The following PPFIBP2 variants were observed in gnomAD, a reference collection of about 807,000 sequenced individuals.
PPFIBP2 encodes the protein PPFIB scaffold protein 2.
In PPFIBP2, 118 loss-of-function variants were observed where a neutral mutation model predicts 118.3. The observed-to-expected ratio is 1.00, with a 90% CI of 0.86 to 1.16. PPFIBP2 has a LOEUF of 1.16. Among genes scored for constraint, PPFIBP2 ranks in the 50% most tolerant of loss-of-function variants. PPFIBP2 has a pLI of 0.00. For missense variants in PPFIBP2, 1,195 were observed against 1,073.1 expected (o/e 1.11, Z -1.59); for synonymous variants, 414 against 397.4 (o/e 1.04, Z -0.50).
intron 1 of PPFIBP2, among the ~76,000 whole-genome samples, chr11:7,542,372 C>A (rs1190298632): frequency 6.6e-6 from 1 of 152,160 alleles, no homozygotes; most frequent in Non-Finnish European, 1.5e-5. Flanking sequence ...TGCCATGCCA[C>A]ATGTATTATT....
intron 2 of PPFIBP2, among the ~76,000 whole-genome samples, chr11:7,555,250 G>A (rs1292547075): frequency 6.6e-6 from 1 of 152,182 alleles, no homozygotes. Flanking sequence ...GGTTACTCAT[G>A]CAGTTATGTA....
intron 3 of PPFIBP2, among the ~76,000 whole-genome samples, chr11:7,572,328 G>T (rs1855744280): frequency 6.6e-6 from 1 of 152,168 alleles, no homozygotes; most frequent in Admixed American, 6.5e-5. Flanking sequence ...AAGACTGGGG[G>T]CCTTCAGCCA....
the PPFIBP2 span, chr11:7,666,537 A>ATCT: frequency 6.2e-7 from 1 of 1,613,046 alleles, no homozygotes; most frequent in Non-Finnish European, 8.5e-7. Context: ...TCTGACCAAG[A>ATCT]TATCCTCCTC....
chr11:7,639,970 G>A (rs1390232459), intron 15 of PPFIBP2, 100 bp downstream of exon 15: 1 of 1,469,950 alleles, frequency 6.8e-7, no homozygotes, highest in South Asian at 1.4e-5. Flanking sequence ...ATCCACAATT[G>A]GAGAATGGTG....
At chr11:7,530,343 C>A (rs1400135995) in intron 1 of PPFIBP2, among the ~76,000 whole-genome samples, 1 of 152,170 alleles carries the variant, frequency 6.6e-6, no homozygotes, top group Non-Finnish European at 1.5e-5. Context: ...AGGATTTAAG[C>A]CCAAATCTGT....
chr11:7,555,713 C>T (rs894893764), intron 2 of PPFIBP2, among the ~76,000 whole-genome samples: 9 of 152,300 alleles, frequency 5.9e-5, no homozygotes, highest in South Asian at 4.1e-4. Context: ...CTGGGGCACC[C>T]GCTGTTTGAC....
At chr11:7,524,570 A>G (rs1850058944) in intron 1 of PPFIBP2, among the ~76,000 whole-genome samples, 1 of 152,230 alleles carries the variant, frequency 6.6e-6, no homozygotes, top group South Asian at 2.1e-4. Context: ...AAGGTTCCAG[A>G]GTATTAGATT....
intron 1 of PPFIBP2, among the ~76,000 whole-genome samples, chr11:7,534,382 T>C (rs1185291672): frequency 6.6e-6 from 1 of 152,246 alleles, no homozygotes; most frequent in East Asian, 1.9e-4. Flanking sequence ...ATTTTTGAGA[T>C]GAAGCTTTTT....
Position 7,649,170 on chromosome 11 carries a change from C to A in PPFIBP2, c.1933C>A (p.Pro645Thr). ...VTRWLDDIGL[P>T]QYKDQFHESR... ...AGGGTGGCTTGATGATATTGGCTTACCCCAGTACAAAGACCAGTTTCATGA... is the reference window on the plus strand; with the variant it reads ...AGGGTGGCTTGATGATATTGGCTTAACCCAGTACAAAGACCAGTTTCATGA... Residue 645 changes from proline (P) to threonine (T), a missense_variant, in exon 20 of 24, where the codon CCC becomes ACC. By Grantham distance (38) the Pro-to-Thr change is conservative. Coordinates refer to ENST00000299492, the MANE Select transcript of PPFIBP2 (RefSeq NM_003621.5). The A allele has an allele frequency of 6.2e-7, 1 of 1,614,030 alleles. No individual in the cohort carries two copies. The highest frequency in any genetic ancestry group is 8.5e-7 in the Non-Finnish European group (1 of 1,179,918).
intron 5 of PPFIBP2, among the ~76,000 whole-genome samples, chr11:7,598,946 G>C (rs547691832): frequency 7.6e-6 from 1 of 131,562 alleles, no homozygotes; most frequent in Non-Finnish European, 1.5e-5. Flanking sequence ...ATAAAAACCC[G>C]TTTCAATGAT....
chr11:7,652,748 T>C (rs1275570266), intron 23 of PPFIBP2, among the ~76,000 whole-genome samples: 1 of 152,198 alleles, frequency 6.6e-6, no homozygotes, highest in African/African-American at 2.4e-5. Flanking sequence ...AGTTCATCTA[T>C]GGAAATAAGA....
At chr11:7,577,322 T>TGCATGTATGTGC (rs1564994058) in intron 3 of PPFIBP2, 61 of 193,936 alleles carry the variant, frequency 3.1e-4, no homozygotes, top group Middle Eastern at 2.2e-3. Flanking sequence ...TGTATGTGCG[T>TGCATGTATGTGC]GTGTGTGTGT....
intron 7 of PPFIBP2, among the ~76,000 whole-genome samples, chr11:7,623,462 G>C (rs1284479281): frequency 6.6e-6 from 1 of 152,224 alleles, no homozygotes; most frequent in Admixed American, 6.5e-5. Context: ...CCCAACTGCG[G>C]AGACAGAGAT....
At chr11:7,601,455 T>C (rs946605908) in intron 5 of PPFIBP2, among the ~76,000 whole-genome samples, 6 of 152,174 alleles carry the variant, frequency 3.9e-5, no homozygotes, top group African/African-American at 1.2e-4. Context: ...GAAGGGAACA[T>C]GATAGCTACA....
At chr11:7,579,049 G>T (rs1393633759) in intron 3 of PPFIBP2, among the ~76,000 whole-genome samples, 1 of 151,862 alleles carries the variant, frequency 6.6e-6, no homozygotes, top group Admixed American at 6.6e-5. Flanking sequence ...ACATTGGGGG[G>T]GGTCTAGTTT....
Position 7,514,121 on chromosome 11 carries a change from G to A in PPFIBP2, c.-37G>A, listed in dbSNP as rs1056488973. 4 of 152,420 alleles carry A rather than the reference G, an allele frequency of 2.6e-5. No individual in the cohort carries two copies. Among genetic ancestry groups the A allele is most frequent in the Admixed American group, 1.3e-4 (2 of 15,294 alleles). The allele number at this position is 152,420 out of a possible 1,614,324, so 9.4% of individuals were successfully genotyped here. A position where few individuals can be genotyped will look rare whatever the true frequency, so the allele number is the denominator to read the frequency against. ...GAGAGGAGCCTCGGCCCCGTACCCA[G>A]GTCAGTGGGCTCTCCCCACACCCCG... is the stretch of plus-strand genomic sequence containing the variant. On this transcript the variant is annotated splice_region_variant and 5_prime_UTR_variant, in exon 1 of 24. Transcript: ENST00000299492.
intron 3 of PPFIBP2, among the ~76,000 whole-genome samples, chr11:7,586,541 A>G (rs1858228277): frequency 6.6e-6 from 1 of 152,242 alleles, no homozygotes; most frequent in Non-Finnish European, 1.5e-5. Flanking sequence ...GTTTTCAGGT[A>G]TGCTGACCTA....
rs371741461 is a variant in PPFIBP2 at position 7,649,213 on chromosome 11, G to A, written c.1976G>A (p.Arg659Gln). 3.3e-5 allele frequency: 53 copies of A among 1,613,686 alleles called. No individual in the cohort carries two copies. The highest frequency in any genetic ancestry group is 1.7e-4 in the African/African-American group (13 of 74,894). ...DQFHESRVDR[R>Q]MLQYLTVNDL... ...TTTCATGAATCTAGAGTTGACAGAC[G>A]AATGCTGCAATACCTAACTGTGGTG... The change falls in exon 20 of 24, where the codon CGA becomes CAA. Residue 659 changes from arginine (R) to glutamine (Q), a missense_variant. Coordinates refer to ENST00000299492, the MANE Select transcript of PPFIBP2 (RefSeq NM_003621.5).
At chr11:7,641,711 C>A in intron 16 of PPFIBP2, 91 bp downstream of exon 16, 1 of 1,262,918 alleles carries the variant, frequency 7.9e-7, no homozygotes, top group Non-Finnish European at 1.1e-6. Context: ...GTCCAATAGA[C>A]ACTGAAACAG....
Sources: gnomAD v4.1 joint callset for allele counts (sites outside exome capture counted in the v4.1 genomes callset) on GRCh38, gnomAD v4.1.1 for gene constraint, MANE v1.5 for transcripts, NCBI Gene and HGNC (gene_info 2026-07-23, HGNC 2026-07-21) for gene names.